The following ASIC2 variants were observed in gnomAD, a reference collection of about 807,000 sequenced individuals.
The protein encoded by ASIC2 is acid-sensing ion channel 2.
A neutral mutation model predicts 57.3 loss-of-function variants in ASIC2; 25 were observed. The observed-to-expected ratio is 0.44, with a 90% CI of 0.32 to 0.61. ASIC2 has a LOEUF of 0.61. Among genes scored for constraint, ASIC2 ranks in the 20% least tolerant of loss-of-function variants. The probability of loss-of-function intolerance (pLI) is 0.06; values close to 1 mark genes in which losing one functional copy is unlikely to be tolerated. For synonymous variants in ASIC2, 319 were observed against 307.5 expected, an observed-to-expected ratio of 1.04 and a Z score of -0.39; for missense variants, 641 against 738.1, an observed-to-expected ratio of 0.87 and a Z score of 1.52.
intron 1 of ASIC2, among the ~76,000 whole-genome samples, chr17:33,510,743 G>A (rs1289729250): frequency 6.6e-6 from 1 of 152,120 alleles, no homozygotes; most frequent in Non-Finnish European, 1.5e-5. Context: ...TGGACTGGTG[G>A]CCACTGCCAG....
intron 1 of ASIC2, among the ~76,000 whole-genome samples, chr17:33,199,559 G>A (rs2142076482): frequency 6.6e-6 from 1 of 152,264 alleles, no homozygotes; most frequent in East Asian, 1.9e-4. Flanking sequence ...TGTGGCTTGG[G>A]GAGTTAAAGA....
At chr17:33,933,213 TC>T (rs1224233393) in intron 1 of ASIC2, among the ~76,000 whole-genome samples, 7 of 152,186 alleles carry the variant, frequency 4.6e-5, no homozygotes, top group African/African-American at 1.7e-4. Context: ...GCTTAGAAAG[TC>T]ACCTCCTCAA....
intron 1 of ASIC2, among the ~76,000 whole-genome samples, chr17:33,234,837 G>A (rs1221515642): frequency 4.6e-5 from 7 of 152,208 alleles, no homozygotes; most frequent in Non-Finnish European, 8.8e-5. Context: ...ACCTCCCAAT[G>A]CCATCACATT....
intron 1 of ASIC2, among the ~76,000 whole-genome samples, chr17:33,575,947 C>T (rs1435661642): frequency 1.3e-5 from 2 of 152,114 alleles, no homozygotes; most frequent in African/African-American, 4.8e-5. Flanking sequence ...GTTGTTAACA[C>T]ATGAAAATAA....
At chr17:33,684,039 T>G (rs3103653) in intron 1 of ASIC2, among the ~76,000 whole-genome samples, 13,289 of 152,278 alleles carry the variant, frequency 0.087, 839 homozygotes, top group African/African-American at 0.18. Context: ...ATCCATACAT[T>G]TGCATATAGA....
chr17:34,011,680 A>G (rs1906768301), intron 1 of ASIC2, among the ~76,000 whole-genome samples: 1 of 152,238 alleles, frequency 6.6e-6, no homozygotes, highest in African/African-American at 2.4e-5. Context: ...ACTCCATGGA[A>G]ACCTCTCCAG....
chr17:33,378,006 C>T (rs1004453366), intron 1 of ASIC2, among the ~76,000 whole-genome samples: 8 of 152,228 alleles, frequency 5.3e-5, no homozygotes, highest in Non-Finnish European at 8.8e-5. Flanking sequence ...CTTCTCACCA[C>T]GACTGCTCAG....
At chr17:33,737,542 C>T (rs751550221) in intron 1 of ASIC2, among the ~76,000 whole-genome samples, 7 of 144,942 alleles carry the variant, frequency 4.8e-5, no homozygotes, top group East Asian at 1.9e-4. Context: ...AAACTGAGAC[C>T]GCTTATAGGT....
intron 1 of ASIC2, among the ~76,000 whole-genome samples, chr17:33,439,411 T>C (rs989007569): frequency 1.3e-4 from 19 of 151,760 alleles, no homozygotes; most frequent in African/African-American, 4.4e-4. Flanking sequence ...AGTGAAACAG[T>C]GTAGGGGGAA....
chr17:33,072,544 C>T (rs2092073480), intron 3 of ASIC2, among the ~76,000 whole-genome samples: 1 of 152,218 alleles, frequency 6.6e-6, no homozygotes, highest in African/African-American at 2.4e-5. Context: ...CTTCTCCATT[C>T]AGAAAAGAGT....
chr17:33,252,854 G>A (rs9890560), intron 1 of ASIC2, among the ~76,000 whole-genome samples: 76,425 of 151,820 alleles, frequency 0.5, 19,342 homozygotes, highest in Middle Eastern at 0.62. Context: ...CAACATACTC[G>A]CAGACTGCCT....
chr17:33,307,406 T>C (rs577694063), intron 1 of ASIC2, among the ~76,000 whole-genome samples: 4 of 152,150 alleles, frequency 2.6e-5, no homozygotes, highest in East Asian at 1.9e-4. Flanking sequence ...ACCTCCCACA[T>C]TGAAGTCATT....
chr17:33,506,544 G>A (rs1334126410), intron 1 of ASIC2, among the ~76,000 whole-genome samples: 1 of 152,132 alleles, frequency 6.6e-6, no homozygotes, highest in African/African-American at 2.4e-5. Context: ...GAAAAAATAT[G>A]AATTCCCTTG....
intron 1 of ASIC2, among the ~76,000 whole-genome samples, chr17:33,766,432 A>G (rs1300402222): frequency 1.3e-5 from 2 of 152,184 alleles, no homozygotes; most frequent in African/African-American, 2.4e-5. Flanking sequence ...CCTCTCTGCT[A>G]GGCTTGAGGT....
chr17:33,761,388 C>T (rs535731604), intron 1 of ASIC2, among the ~76,000 whole-genome samples: 9 of 152,086 alleles, frequency 5.9e-5, no homozygotes, highest in African/African-American at 9.6e-5. Flanking sequence ...GTAGGGAATC[C>T]GGGGGCCCTC....
chr17:33,273,338 A>G (rs1224877193), intron 1 of ASIC2, among the ~76,000 whole-genome samples: 3 of 152,196 alleles, frequency 2.0e-5, no homozygotes, highest in East Asian at 1.9e-4. Flanking sequence ...TGAATCCTTC[A>G]TATTTATAGC....
At position 33,017,612 on chromosome 17, in the gene ASIC2, A is replaced by G. The variant is rs749046549; in HGVS notation, c.1514T>C (p.Ile505Thr). ...ILTILELFDY[I>T]YELIKEKLLD... is the part of the protein sequence containing the mutation. Reference sequence around the variant, plus strand: ...GGGAATCCCAAATCTTACCTCATAAATATAATCAAAGAGCTCTAGTATTGT... The same window carrying G: ...GGGAATCCCAAATCTTACCTCATAAGTATAATCAAAGAGCTCTAGTATTGT... Residue 505 changes from isoleucine (I) to threonine (T), a missense_variant, in exon 8 of 10, where the codon ATT becomes ACT. By Grantham distance (89) the Ile-to-Thr change is moderately conservative. Transcript: ENST00000225823. 24 of 1,612,590 alleles carry G rather than the reference A, an allele frequency of 1.5e-5. No homozygotes were observed. The highest frequency in any genetic ancestry group is 4.0e-5 in the African/African-American group (3 of 74,910).
chr17:33,548,798 A>T (rs1915658556), intron 1 of ASIC2, among the ~76,000 whole-genome samples: 1 of 152,052 alleles, frequency 6.6e-6, no homozygotes, highest in African/African-American at 2.4e-5. Context: ...CATTACCACC[A>T]CAGGACCTTT....
At position 33,464,091 on chromosome 17, in the gene ASIC2, T is replaced by A. The variant is rs1185768032; in HGVS notation, c.556-352024A>T. On this transcript the variant is annotated intron_variant, in intron 1 of 9. Coordinates refer to the ASIC2 transcript ENST00000359872. The stretch of plus-strand genomic sequence containing the variant: ...ACATATCACACCACAGCATGTGTGG[T>A]CCACTGCCCTGTTGCCTGTCATTGC... Among the ~76,000 whole-genome samples the A allele has an allele frequency of 2.0e-5, 3 of 152,366 alleles. No homozygotes were observed. The East Asian group carries it at 5.8e-4, about 29-fold the overall frequency.
Sources: allele counts gnomAD v4.1 joint callset (sites outside exome capture counted in the v4.1 genomes callset), GRCh38; gene constraint gnomAD v4.1.1; transcripts MANE v1.5; gene names NCBI Gene and HGNC (gene_info 2026-07-23, HGNC 2026-07-21).